The following CDKN2B variants were observed in gnomAD, a reference collection of about 807,000 sequenced individuals.
CDKN2B encodes the protein cyclin dependent kinase inhibitor 2B.
CDKN2B carries 8 observed loss-of-function variants against 7.7 expected under a neutral mutation model. The ratio of observed to expected loss-of-function variants is 1.04; its 90% CI spans 0.61 to 1.87. The LOEUF is 1.87. Among genes scored for constraint, CDKN2B ranks in the 40% most tolerant of loss-of-function variants. The probability of loss-of-function intolerance (pLI) is 0.00; values close to 1 mark genes in which losing one functional copy is unlikely to be tolerated. For synonymous variants in CDKN2B, 93 were observed against 95.8 expected, an observed-to-expected ratio of 0.97 and a Z score of 0.17; for missense variants, 244 against 213.1, an observed-to-expected ratio of 1.15 and a Z score of -0.90.
rs977022366 is a variant in CDKN2B, at chr9:22,005,811, A to C, written c.*176T>G. The C allele has an allele frequency of 1.3e-6, 1 of 792,770 alleles. No homozygotes were observed. Among genetic ancestry groups the C allele is most frequent in the African/African-American group, 1.7e-5 (1 of 57,930 alleles). The allele number at this position is 792,770 out of a possible 1,614,324, so 49.1% of individuals were successfully genotyped here. On this transcript the variant is annotated 3_prime_UTR_variant, in exon 2 of 2. Transcript: ENST00000276925. This position sits in a 1 kb window ranked among gnomAD's most constrained non-coding sequence, Gnocchi z 4.9. Reference sequence around the variant, plus strand: ...TCGAGGGCCAGATAAGACAAAGAAAAAAATGTATGGAAGGTTATTCCCGGT... The same window carrying C: ...TCGAGGGCCAGATAAGACAAAGAAACAAATGTATGGAAGGTTATTCCCGGT...
rs894976659 is a variant in CDKN2B at position 22,003,277 on chromosome 9, T to TA, written c.*2709dup. ...AATAATGTTTGAGGTTTGCTTTAAATAAAAAAAACTAACAAAACAAACAAA... is the reference window on the plus strand; with the variant it reads ...AATAATGTTTGAGGTTTGCTTTAAATAAAAAAAAACTAACAAAACAAACAAA... On this transcript the variant is annotated 3_prime_UTR_variant, in exon 2 of 2. Transcript: ENST00000276925. 1.7e-4 allele frequency: 36 copies of TA among 210,106 alleles called. No individual in the cohort carries two copies. The highest frequency in any genetic ancestry group is 1.5e-3 in the Middle Eastern group (1 of 674). The allele number at this position is 210,106 out of a possible 1,614,324, so 13.0% of individuals were successfully genotyped here. A position where few individuals can be genotyped will look rare whatever the true frequency, so the allele number is the denominator to read the frequency against.
Position 22,006,310 on chromosome 9 carries a change from G to T in CDKN2B, c.157-63C>A, listed in dbSNP as rs1489617960. On this transcript the variant is annotated intron_variant, in intron 1 of 1. Transcript: ENST00000276925. This position sits in a 1 kb window ranked among gnomAD's most constrained non-coding sequence, Gnocchi z 6.4. ...GGCAGGTATGGGAGATGCCGGCCGGGGCAAGGCAGGTGGAGCCATTTAAAG... is the reference window on the plus strand; with the variant it reads ...GGCAGGTATGGGAGATGCCGGCCGGTGCAAGGCAGGTGGAGCCATTTAAAG... 3.1e-6 allele frequency: 5 copies of T among 1,594,430 alleles called. No individual in the cohort carries two copies. The East Asian group carries it at 8.9e-5, about 28-fold the overall frequency.
intron 1 of CDKN2B, among the ~76,000 whole-genome samples, chr9:22,008,019 A>C (rs1400368028): frequency 6.6e-6 from 1 of 152,188 alleles, no homozygotes; most frequent in African/African-American, 2.4e-5. Flanking sequence ...AGTACAAAAG[A>C]GTTGTCCGAG....
In CDKN2B at chr9:22,006,955, A is replaced by C. The variant is rs1005926371; in HGVS notation, c.157-708T>G. 6.6e-6 allele frequency among the ~76,000 whole-genome samples: 1 copy of C among 152,162 alleles called. No homozygotes were observed. The highest frequency in any genetic ancestry group is 2.4e-5 in the African/African-American group (1 of 41,442). ...TTTCCTTAACAGTTCATCATTTTAAATTTAGACTATAATATTTTTAATGTA... is the reference window on the plus strand; with the variant it reads ...TTTCCTTAACAGTTCATCATTTTAACTTTAGACTATAATATTTTTAATGTA... On this transcript the variant is annotated intron_variant, in intron 1 of 1. Coordinates refer to ENST00000276925, the MANE Select transcript of CDKN2B (RefSeq NM_004936.4). This position sits in a 1 kb window ranked among gnomAD's most constrained non-coding sequence, Gnocchi z 6.4.
intron 1 of CDKN2B, chr9:22,008,596 G>A (rs1821310472): frequency 6.8e-7 from 1 of 1,473,816 alleles, no homozygotes; most frequent in Non-Finnish European, 9.2e-7. Flanking sequence ...ACTAAAAAAA[G>A]CTTAAACAGT....
Position 22,008,956 on chromosome 9 carries a change from C to G in CDKN2B, c.-3G>C. ...ATGCCCTTGTTCTCCTCGCGCATTCCGCAGCCCCCAGACGCGCAGCGGCCC... is the reference window on the plus strand; with the variant it reads ...ATGCCCTTGTTCTCCTCGCGCATTCGGCAGCCCCCAGACGCGCAGCGGCCC... On this transcript the variant is annotated 5_prime_UTR_variant, in exon 1 of 2. Coordinates refer to ENST00000276925, the MANE Select transcript of CDKN2B (RefSeq NM_004936.4). 6.2e-7 allele frequency: 1 copy of G among 1,613,106 alleles called. No individual in the cohort carries two copies.
In CDKN2B at chr9:22,008,934, C is replaced by T. The variant is rs150973276; in HGVS notation, c.20G>A (p.Gly7Asp). Reference sequence around the variant, plus strand: ...ATCGCTGCCGCCCCCACTGGGCATGCCCTTGTTCTCCTCGCGCATTCCGCA... The same window carrying T: ...ATCGCTGCCGCCCCCACTGGGCATGTCCTTGTTCTCCTCGCGCATTCCGCA... MREENK[G>D]MPSGGGSDEG... Residue 7 changes from glycine to aspartate, a missense_variant, in exon 1 of 2, where the codon GGC becomes GAC. Coordinates refer to ENST00000276925, the MANE Select transcript of CDKN2B (RefSeq NM_004936.4). 45 of 1,612,856 alleles carry T rather than the reference C, an allele frequency of 2.8e-5. No individual in the cohort carries two copies. The highest frequency in any genetic ancestry group is 8.0e-5 in the African/African-American group (6 of 74,942).
Position 22,008,872 on chromosome 9 carries a change from C to T in CDKN2B, c.82G>A (p.Glu28Lys), listed in dbSNP as rs1193287096. ...LASAAARGLV[E>K]KVRQLLEAGA... Reference sequence around the variant, plus strand: ...GCTTCCAGGAGCTGTCGCACCTTCTCCACTAGTCCCCGCGCCGCGGCGCTG... The same window carrying T: ...GCTTCCAGGAGCTGTCGCACCTTCTTCACTAGTCCCCGCGCCGCGGCGCTG... The change falls in exon 1 of 2, where the codon GAG becomes AAG. Residue 28 changes from glutamate (E) to lysine (K), a missense_variant. Physicochemically the swap from Glu to Lys is moderately conservative, Grantham distance 56. Coordinates refer to ENST00000276925, the MANE Select transcript of CDKN2B (RefSeq NM_004936.4). 6.2e-7 allele frequency: 1 copy of T among 1,612,106 alleles called. No individual in the cohort carries two copies. The highest frequency in any genetic ancestry group is 1.3e-5 in the African/African-American group (1 of 74,934).
chr9:22,003,063 C>T lies in CDKN2B; in HGVS notation c.*2924G>A, dbSNP rs1820992353. Reference sequence around the variant, plus strand: ...CCACAATGGAGCTAGAAGCAGGACTCATGAAAATAGTAACTATATGTTTTG... The same window carrying T: ...CCACAATGGAGCTAGAAGCAGGACTTATGAAAATAGTAACTATATGTTTTG... On this transcript the variant is annotated 3_prime_UTR_variant, in exon 2 of 2. Transcript: ENST00000276925. 2 of 212,646 alleles carry T rather than the reference C, an allele frequency of 9.4e-6. No homozygotes were observed. The highest frequency in any genetic ancestry group is 2.3e-5 in the African/African-American group (1 of 44,220). 13.2% of individuals were successfully genotyped at this position (212,646 alleles called of 1,614,324 possible). A position where few individuals can be genotyped will look rare whatever the true frequency, so the allele number is the denominator to read the frequency against.
Position 22,009,086 on chromosome 9 carries a change from A to G in CDKN2B, c.-133T>C. On this transcript the variant is annotated 5_prime_UTR_variant, in exon 1 of 2. Transcript: ENST00000276925. ...TAGGAGACCTGGGCTCAGCTTCATTACCCTCCCGTCGTCCTTCTGCGGCTT... is the reference window on the plus strand; with the variant it reads ...TAGGAGACCTGGGCTCAGCTTCATTGCCCTCCCGTCGTCCTTCTGCGGCTT... The G allele has an allele frequency of 7.4e-7, 1 of 1,355,050 alleles. No homozygotes were observed. 83.9% of individuals were successfully genotyped at this position (1,355,050 alleles called of 1,614,324 possible).
rs1167893458 is a variant in CDKN2B at position 22,006,037 on chromosome 9, G to C, written c.367C>G (p.Arg123Gly). The change falls in exon 2 of 2, where the codon CGG becomes GGG. Residue 123 changes from arginine to glycine, a missense_variant. Arg to Gly is a moderately radical substitution (Grantham distance 125). Transcript: ENST00000276925. The surrounding 1 kb of genome is among the most constrained non-coding windows in gnomAD (Gnocchi z 6.4). ...TACCCTGCAACGTCGCGGTGGCCCC[G>C]CTCCTCGGCCAAGTCCACGGGCAGA... ...GRLPVDLAEE[R>G]GHRDVAGYLR... is the part of the protein sequence containing the mutation. 6.2e-7 allele frequency: 1 copy of C among 1,604,230 alleles called. No homozygotes were observed. Among genetic ancestry groups the C allele is most frequent in the Non-Finnish European group, 8.5e-7 (1 of 1,179,458 alleles).
In CDKN2B at chr9:22,005,943, G is replaced by C. The variant is rs1821151397; in HGVS notation, c.*44C>G. 3 of 1,595,720 alleles carry C rather than the reference G, an allele frequency of 1.9e-6. No homozygotes were observed. Among genetic ancestry groups the C allele is most frequent in the Non-Finnish European group, 2.5e-6 (3 of 1,178,646 alleles). On this transcript the variant is annotated 3_prime_UTR_variant, in exon 2 of 2. Coordinates refer to ENST00000276925, the MANE Select transcript of CDKN2B (RefSeq NM_004936.4). The surrounding 1 kb of genome is among the most constrained non-coding windows in gnomAD (Gnocchi z 4.9). ...ATTAGGTGGGTGGGGGTGGGAAATT[G>C]GGTAAGAAAATAAAGTCGTTGTGGG... is the stretch of plus-strand genomic sequence containing the variant.
Position 22,006,111 on chromosome 9 carries a change from A to G in CDKN2B, c.293T>C (p.Val98Ala), listed in dbSNP as rs1821169793. The G allele has an allele frequency of 6.2e-7, 1 of 1,610,292 alleles. No individual in the cohort carries two copies. Among genetic ancestry groups the G allele is most frequent in the Non-Finnish European group, 8.5e-7 (1 of 1,179,792 alleles). The change falls in exon 2 of 2, where the codon GTG (valine) becomes GCG (alanine). Residue 98 changes from valine (V) to alanine (A), a missense_variant. Physicochemically the swap from Val to Ala is moderately conservative, Grantham distance 64 (BLOSUM62 0). Coordinates refer to ENST00000276925, the MANE Select transcript of CDKN2B (RefSeq NM_004936.4). The surrounding 1 kb of genome is among the most constrained non-coding windows in gnomAD (Gnocchi z 6.4). ...CAGCCGCGCCCCGGCCCGGTGCAGC[A>G]CCACCAGCGTGTCCAGGAAGCCCTC... ...AREGFLDTLV[V>A]LHRAGARLDV...
At chr9:22,008,721 G>A in intron 1 of CDKN2B, 77 bp downstream of exon 1, 1 of 1,611,152 alleles carries the variant, frequency 6.2e-7, no homozygotes, top group Non-Finnish European at 8.5e-7. Flanking sequence ...GGCGATCTAG[G>A]TTCCAGCCCC....
Position 22,005,420 on chromosome 9 carries a change from C to T in CDKN2B, c.*567G>A, listed in dbSNP as rs984392072. ...TCGTTTACGCATGTGACTTGCCATG[C>T]GCTCAAACTAAAGCGCCGCCGGGGA... On this transcript the variant is annotated 3_prime_UTR_variant, in exon 2 of 2. Coordinates refer to ENST00000276925, the MANE Select transcript of CDKN2B (RefSeq NM_004936.4). The surrounding 1 kb of genome is among the most constrained non-coding windows in gnomAD (Gnocchi z 4.9). 2 of 246,514 alleles carry T rather than the reference C, an allele frequency of 8.1e-6. 1 individual carries two copies. The highest frequency in any genetic ancestry group is 3.0e-4 in the South Asian group (2 of 6,678). The allele number at this position is 246,514 out of a possible 1,614,324, so 15.3% of individuals were successfully genotyped here. A position where few individuals can be genotyped will look rare whatever the true frequency, so the allele number is the denominator to read the frequency against.
At chr9:22,007,325 C>G (rs943144494) in intron 1 of CDKN2B, among the ~76,000 whole-genome samples, 7 of 151,740 alleles carry the variant, frequency 4.6e-5, no homozygotes, top group African/African-American at 1.7e-4. Flanking sequence ...TGCCACTGCA[C>G]TCCAGCCTGT....
At chr9:22,008,183 T>C (rs1422772530) in intron 1 of CDKN2B, among the ~76,000 whole-genome samples, 1 of 152,242 alleles carries the variant, frequency 6.6e-6, no homozygotes, top group Non-Finnish European at 1.5e-5. Flanking sequence ...CAGGAATATT[T>C]TTGTAATCTG....
Position 22,005,970 on chromosome 9 carries a change from G to A in CDKN2B, c.*17C>T, listed in dbSNP as rs1352158668. 1.9e-6 allele frequency: 3 copies of A among 1,599,988 alleles called. No individual in the cohort carries two copies. The highest frequency in any genetic ancestry group is 2.2e-5 in the South Asian group (2 of 90,854). ...GTAAGAAAATAAAGTCGTTGTGGGC[G>A]GCTGGGGAACCTGGCGTCAGTCCCC... On this transcript the variant is annotated 3_prime_UTR_variant, in exon 2 of 2. Transcript: ENST00000276925. The surrounding 1 kb of genome is among the most constrained non-coding windows in gnomAD (Gnocchi z 4.9).
chr9:22,008,712 G>C, intron 1 of CDKN2B, 86 bp downstream of exon 1: 1 of 1,611,500 alleles, frequency 6.2e-7, no homozygotes, highest in Non-Finnish European at 8.5e-7. Context: ...ATCTACATCG[G>C]CGATCTAGGT....
Sources: gnomAD v4.1 joint callset for allele counts (sites outside exome capture counted in the v4.1 genomes callset) on GRCh38, gnomAD v4.1.1 for gene constraint, Gnocchi (gnomAD v3.1) non-coding constraint, MANE v1.5 for transcripts, NCBI Gene and HGNC (gene_info 2026-07-23, HGNC 2026-07-21) for gene names.